Variants in IL15RA observed in about 807,000 individuals in gnomAD.
The protein encoded by IL15RA is interleukin 15 receptor subunit alpha, also known as interleukin-15 receptor subunit alpha.
IL15RA carries 26 observed loss-of-function variants against 24.2 expected under a neutral mutation model. That is an observed-to-expected ratio of 1.07 (90% CI 0.79 to 1.49). The LOEUF is 1.49. IL15RA is among the 40% of genes most tolerant of loss of function. The pLI is 0.00. For missense variants in IL15RA, 354 were observed against 356.4 expected (o/e 0.99, Z 0.05); for synonymous variants, 166 against 157.6 (o/e 1.05, Z -0.40).
rs1163430470 is a variant in IL15RA at position 5,962,464 on chromosome 10, C to T, written c.382+1279G>A. ...GAAATTAGCCAGGCGTGGTGGTGCA[C>T]GCCTGTGATCCCAGCTACTTGGGAG... On this transcript the variant is annotated intron_variant, in intron 3 of 6. Coordinates refer to ENST00000379977, the MANE Select transcript of IL15RA (RefSeq NM_002189.4). This position sits in a 1 kb window ranked among gnomAD's most constrained non-coding sequence, Gnocchi z 5.2. 1.7e-4 allele frequency among the ~76,000 whole-genome samples: 26 copies of T among 152,096 alleles called. 1 individual carries two copies. The highest frequency in any genetic ancestry group is 6.2e-4 in the South Asian group (3 of 4,812).
At chr10:5,956,908 T>C (rs1834606577) in intron 5 of IL15RA, among the ~76,000 whole-genome samples, 1 of 151,776 alleles carries the variant, frequency 6.6e-6, no homozygotes, top group African/African-American at 2.4e-5. Context: ...TTAGAAACAA[T>C]AGCACACAGT....
At position 5,959,164 on chromosome 10, in the gene IL15RA, CTTTTTCTTTTTT is replaced by C. The variant is rs1835061224; in HGVS notation, c.616+578_616+589del. On this transcript the variant is annotated intron_variant, in intron 5 of 6. Coordinates refer to ENST00000379977, the MANE Select transcript of IL15RA (RefSeq NM_002189.4). The surrounding 1 kb of genome is among the most constrained non-coding windows in gnomAD (Gnocchi z 4.1). ...TGTTTTGTTAACTTTTTTTCTTTTT[CTTTTTCTTTTTT>C]TTTTTTTTTAATAGAGATGGGGTCT... is the stretch of plus-strand genomic sequence containing the variant. Among the ~76,000 whole-genome samples the C allele has an allele frequency of 6.8e-6, 1 of 147,286 alleles. No individual in the cohort carries two copies. The highest frequency in any genetic ancestry group is 1.5e-5 in the Non-Finnish European group (1 of 66,758).
rs1021863079 is a variant in IL15RA at position 5,961,832 on chromosome 10, C to A, written c.383-1265G>T. On this transcript the variant is annotated intron_variant, in intron 3 of 6. Transcript: ENST00000379977. This position sits in a 1 kb window ranked among gnomAD's most constrained non-coding sequence, Gnocchi z 5.2. The stretch of plus-strand genomic sequence containing the variant: ...GGCTCTCTGGACGCACTGTTGTTGC[C>A]GCGTTCCCATGGTCTCCCAGCCACA... Among the ~76,000 whole-genome samples, 3 of 152,190 alleles carry A rather than the reference C, an allele frequency of 2.0e-5. No individual in the cohort carries two copies. Among genetic ancestry groups the A allele is most frequent in the Admixed American group, 1.3e-4 (2 of 15,268 alleles).
At position 5,959,257 on chromosome 10, in the gene IL15RA, G is replaced by A. The variant is rs955556031; in HGVS notation, c.616+497C>T. Among the ~76,000 whole-genome samples, 2 of 149,434 alleles carry A rather than the reference G, an allele frequency of 1.3e-5. No individual in the cohort carries two copies. Among genetic ancestry groups the A allele is most frequent in the African/African-American group, 2.5e-5 (1 of 40,370 alleles). On this transcript the variant is annotated intron_variant, in intron 5 of 6. Coordinates refer to ENST00000379977, the MANE Select transcript of IL15RA (RefSeq NM_002189.4). This position sits in a 1 kb window ranked among gnomAD's most constrained non-coding sequence, Gnocchi z 4.1. ...TGGCCTCAAGCAATCCTCCCATTTC[G>A]GCCTCCCAAACTGCTGGGATTACAG...
rs749524880 is a variant in IL15RA, at chr10:5,966,314, G to A, written c.114C>T (p.Ser38=). 33 of 1,609,594 alleles carry A rather than the reference G, an allele frequency of 2.1e-5. No homozygotes were observed. Among genetic ancestry groups the A allele is most frequent in the Non-Finnish European group, 2.6e-5 (30 of 1,176,262 alleles). The change falls in exon 2 of 7, where the codon TCC becomes TCT. Residue 38 remains serine (S), a synonymous_variant. Coordinates refer to ENST00000379977, the MANE Select transcript of IL15RA (RefSeq NM_002189.4). The surrounding 1 kb of genome is among the most constrained non-coding windows in gnomAD (Gnocchi z 6.4). ...TGACCCAGATGTCTGCGTGTTCCAC[G>A]GACATGGGGGGAGGGCACGTGATGC... ...TRGITCPPPM[S]VEHADIWVKS...
At chr10:5,977,220 C>G in intron 1 of IL15RA, 185 bp downstream of exon 1, 2 of 362,750 alleles carry the variant, frequency 5.5e-6, no homozygotes, top group Non-Finnish European at 9.8e-6. Flanking sequence ...GACCCCGGCT[C>G]CCGGCACGTG....
At position 5,963,955 on chromosome 10, in the gene IL15RA, T is replaced by G; in HGVS notation, c.284-114A>C. On this transcript the variant is annotated intron_variant, in intron 2 of 6. Transcript: ENST00000379977. This position sits in a 1 kb window ranked among gnomAD's most constrained non-coding sequence, Gnocchi z 5.3. ...CACATGAACTTACAGTGGAGGCCTC[T>G]GGCTTCCTCAGACAGGTTAAAAGCA... The G allele has an allele frequency of 3.6e-5, 23 of 633,350 alleles. No individual in the cohort carries two copies. The highest frequency in any genetic ancestry group is 5.7e-5 in the Non-Finnish European group (21 of 368,278). 39.2% of individuals were successfully genotyped at this position (633,350 alleles called of 1,614,324 possible).
At chr10:5,976,369 C>T (rs937577417) in intron 1 of IL15RA, among the ~76,000 whole-genome samples, 1 of 152,174 alleles carries the variant, frequency 6.6e-6, no homozygotes, top group Non-Finnish European at 1.5e-5. Context: ...CAGACTGGCC[C>T]GACTGGATGT....
Position 5,971,991 on chromosome 10 carries a change from T to C in IL15RA, c.88+5414A>G, listed in dbSNP as rs887100671. Among the ~76,000 whole-genome samples, 10 of 152,218 alleles carry C rather than the reference T, an allele frequency of 6.6e-5. No homozygotes were observed. The highest frequency in any genetic ancestry group is 1.5e-4 in the Non-Finnish European group (10 of 68,044). ...AAGGAAAGTAATGAAATACATTCTA[T>C]AGTTTTAGGACTCGAGAAGACATCT... On this transcript the variant is annotated intron_variant, in intron 1 of 6. Coordinates refer to ENST00000379977, the MANE Select transcript of IL15RA (RefSeq NM_002189.4). The surrounding 1 kb of genome is among the most constrained non-coding windows in gnomAD (Gnocchi z 5.5).
downstream of IL15RA, chr10:5,949,093 C>T (rs940573443): frequency 2.9e-5 from 11 of 377,972 alleles, no homozygotes; most frequent in African/African-American, 1.5e-4. The surrounding 1 kb of genome is among the most constrained non-coding windows in gnomAD (Gnocchi z 4.4). Context: ...CCACCTTTTC[C>T]GGCTCCCTGT....
In IL15RA at chr10:5,970,250, A is replaced by G. The variant is rs866837376; in HGVS notation, c.89-3911T>C. On this transcript the variant is annotated intron_variant, in intron 1 of 6. Coordinates refer to ENST00000379977, the MANE Select transcript of IL15RA (RefSeq NM_002189.4). The surrounding 1 kb of genome is among the most constrained non-coding windows in gnomAD (Gnocchi z 4.1). ...CCTTCCGGTGATGTTATACCACCAC[A>G]TACATATCCTGTAAAGATCTGAAAC... 2.0e-5 allele frequency among the ~76,000 whole-genome samples: 3 copies of G among 152,306 alleles called. No individual in the cohort carries two copies. In the Middle Eastern group the frequency reaches 0.01, roughly 518 times the overall value.
At chr10:5,956,185 T>A (rs1325643208) in intron 6 of IL15RA, among the ~76,000 whole-genome samples, 194 bp downstream of exon 6, 1 of 152,112 alleles carries the variant, frequency 6.6e-6, no homozygotes, top group Non-Finnish European at 1.5e-5. Flanking sequence ...TAGCTAATTT[T>A]CATATTTTTA....
chr10:5,953,250 T>G lies in IL15RA; in HGVS notation c.693-44A>C. The stretch of plus-strand genomic sequence containing the variant: ...ATAGGTTTTGAAAAGAGGAGGGGGT[T>G]GCCCTCAAATCAACAGACGCTTCCC... On this transcript the variant is annotated intron_variant, in intron 6 of 6. Transcript: ENST00000379977. The surrounding 1 kb of genome is among the most constrained non-coding windows in gnomAD (Gnocchi z 5.3). The G allele has an allele frequency of 1.4e-6, 2 of 1,397,066 alleles. No homozygotes were observed. Among genetic ancestry groups the G allele is most frequent in the Non-Finnish European group, 1.0e-6 (1 of 981,996 alleles). The allele number at this position is 1,397,066 out of a possible 1,614,324, so 86.5% of individuals were successfully genotyped here.
At chr10:5,956,168 C>T (rs894932296) in intron 6 of IL15RA, among the ~76,000 whole-genome samples, 2 of 152,118 alleles carry the variant, frequency 1.3e-5, no homozygotes, top group Non-Finnish European at 2.9e-5. Context: ...GTGTGCACCA[C>T]CAAGCTTAGC....
Position 5,968,994 on chromosome 10 carries a change from G to A in IL15RA, c.89-2655C>T. 1 of 1,533,196 alleles carries A rather than the reference G, an allele frequency of 6.5e-7. No individual in the cohort carries two copies. The highest frequency in any genetic ancestry group is 8.7e-7 in the Non-Finnish European group (1 of 1,145,178). The allele number at this position is 1,533,196 out of a possible 1,614,324, so 95.0% of individuals were successfully genotyped here. On this transcript the variant is annotated intron_variant, in intron 1 of 6. Coordinates refer to ENST00000379977, the MANE Select transcript of IL15RA (RefSeq NM_002189.4). This position sits in a 1 kb window ranked among gnomAD's most constrained non-coding sequence, Gnocchi z 5.4. Reference sequence around the variant, plus strand: ...CCAGCAGCCGTGGACCTCCAGGGCTGTTTGTGTAGGATCCTGAGCAAGGAC... The same window carrying A: ...CCAGCAGCCGTGGACCTCCAGGGCTATTTGTGTAGGATCCTGAGCAAGGAC...
chr10:5,953,275 C>A lies in IL15RA; in HGVS notation c.693-69G>T. On this transcript the variant is annotated intron_variant, in intron 6 of 6. Transcript: ENST00000379977. This position sits in a 1 kb window ranked among gnomAD's most constrained non-coding sequence, Gnocchi z 5.3. ...TGCCCTCAAATCAACAGACGCTTCCCACTGAGCATGTATGTCCAGCACTGC... is the reference window on the plus strand; with the variant it reads ...TGCCCTCAAATCAACAGACGCTTCCAACTGAGCATGTATGTCCAGCACTGC... 1 of 1,123,990 alleles carries A rather than the reference C, an allele frequency of 8.9e-7. No individual in the cohort carries two copies. Among genetic ancestry groups the A allele is most frequent in the Non-Finnish European group, 1.4e-6 (1 of 735,962 alleles). The allele number at this position is 1,123,990 out of a possible 1,614,324, so 69.6% of individuals were successfully genotyped here.
chr10:5,962,214 C>T lies in IL15RA; in HGVS notation c.382+1529G>A, dbSNP rs1365635210. ...AGCCAGCCCCTCAACCCCTTCCTCC[C>T]TGTGCAGGTGACTCACTAGGAGGGA... On this transcript the variant is annotated intron_variant, in intron 3 of 6. Transcript: ENST00000379977. The surrounding 1 kb of genome is among the most constrained non-coding windows in gnomAD (Gnocchi z 5.2). Among the ~76,000 whole-genome samples the T allele has an allele frequency of 6.6e-6, 1 of 152,202 alleles. No homozygotes were observed. Among genetic ancestry groups the T allele is most frequent in the Admixed American group, 6.5e-5 (1 of 15,274 alleles).
At position 5,956,442 on chromosome 10, in the gene IL15RA, G is replaced by A. The variant is rs142602826; in HGVS notation, c.629C>T (p.Thr210Met). 37 of 1,613,574 alleles carry A rather than the reference G, an allele frequency of 2.3e-5. No individual in the cohort carries two copies. In the East Asian group the frequency reaches 3.8e-4, roughly 17 times the overall value. The change falls in exon 6 of 7, where the codon ACG becomes ATG. Residue 210 changes from threonine to methionine, a missense_variant. Coordinates refer to ENST00000379977, the MANE Select transcript of IL15RA (RefSeq NM_002189.4). ...CAGCCCACACAGCAGGACAGTGGAC[G>A]TGGAGATAGCCACTGAAAGGGAGGA... is the stretch of plus-strand genomic sequence containing the variant. The part of the protein sequence containing the change: ...GHSDTTVAIS[T>M]STVLLCGLSA...
chr10:5,959,709 C>T lies in IL15RA; in HGVS notation c.616+45G>A, dbSNP rs753384381. ...AGGACCACCCAGCACCCTGGGACTG[C>T]GGTCACCCTGATCATAAACATACCG... On this transcript the variant is annotated intron_variant, in intron 5 of 6. Coordinates refer to ENST00000379977, the MANE Select transcript of IL15RA (RefSeq NM_002189.4). This position sits in a 1 kb window ranked among gnomAD's most constrained non-coding sequence, Gnocchi z 4.1. 1.1e-5 allele frequency: 18 copies of T among 1,591,854 alleles called. No individual in the cohort carries two copies. The highest frequency in any genetic ancestry group is 4.5e-5 in the East Asian group (2 of 44,794).
Sources: gnomAD v4.1 joint callset for allele counts (sites outside exome capture counted in the v4.1 genomes callset) on GRCh38, gnomAD v4.1.1 for gene constraint, Gnocchi (gnomAD v3.1) non-coding constraint, MANE v1.5 for transcripts, NCBI Gene and HGNC (gene_info 2026-07-23, HGNC 2026-07-21) for gene names.